Variants in TFDP1 observed in about 807,000 individuals in gnomAD.
TFDP1 encodes DRTF1-polypeptide 1.
In TFDP1, 6 loss-of-function variants were observed where a neutral mutation model predicts 48.0. That is an observed-to-expected ratio of 0.13 (90% CI 0.07 to 0.25). The LOEUF (loss-of-function observed/expected upper bound fraction) is 0.25. Ranked by LOEUF, TFDP1 falls within the 10% of genes least tolerant of loss-of-function variation. TFDP1 has a pLI of 1.00. For missense variants in TFDP1, 335 were observed against 543.0 expected, an observed-to-expected ratio of 0.62 and a Z score of 3.81; for synonymous variants, 201 against 211.6, an observed-to-expected ratio of 0.95 and a Z score of 0.44.
At chr13:113,600,068 A>G (rs1178573519) in intron 2 of TFDP1, among the ~76,000 whole-genome samples, 4 of 150,390 alleles carry the variant, frequency 2.7e-5, no homozygotes, top group Admixed American at 2.6e-4. Context: ...GTGAGAGAGA[A>G]TCCTTGCACG....
In TFDP1 at chr13:113,627,315, G is replaced by A. The variant is rs1245222927; in HGVS notation, c.186+4029G>A. On this transcript the variant is annotated intron_variant, in intron 4 of 11. Coordinates refer to ENST00000375370, the MANE Select transcript of TFDP1 (RefSeq NM_007111.5). This position sits in a 1 kb window ranked among gnomAD's most constrained non-coding sequence, Gnocchi z 4.1. Reference sequence around the variant, plus strand: ...GCTGCAGAGCTCAGCACGCGCACAGGAACGTGTGCGGGACAGAGGACATAT... The same window carrying A: ...GCTGCAGAGCTCAGCACGCGCACAGAAACGTGTGCGGGACAGAGGACATAT... 2.0e-5 allele frequency among the ~76,000 whole-genome samples: 3 copies of A among 152,164 alleles called. No homozygotes were observed. The highest frequency in any genetic ancestry group is 2.0e-4 in the Admixed American group (3 of 15,274).
At chr13:113,629,793 T>G (rs2049286017) in intron 4 of TFDP1, among the ~76,000 whole-genome samples, 1 of 152,200 alleles carries the variant, frequency 6.6e-6, no homozygotes, top group Admixed American at 6.5e-5. Context: ...CCACTCTTTG[T>G]GAGTAGGTTT....
intron 3 of TFDP1, among the ~76,000 whole-genome samples, chr13:113,616,335 T>C (rs1344690811): frequency 6.6e-6 from 1 of 152,124 alleles, no homozygotes; most frequent in Non-Finnish European, 1.5e-5. Flanking sequence ...ACCCTTCCAG[T>C]CACGGTTTCG....
chr13:113,596,452 C>T (rs1042705088), intron 2 of TFDP1, among the ~76,000 whole-genome samples: 6 of 152,162 alleles, frequency 3.9e-5, no homozygotes, highest in African/African-American at 1.4e-4. Context: ...ATCCCGGTAG[C>T]CCGAGTTGAG....
At chr13:113,590,569 G>T (rs2048115023) in intron 2 of TFDP1, among the ~76,000 whole-genome samples, 1 of 152,194 alleles carries the variant, frequency 6.6e-6, no homozygotes, top group African/African-American at 2.4e-5. Context: ...GGTTAAGAAG[G>T]TTGTCAGTTT....
At position 113,588,610 on chromosome 13, in the gene TFDP1, G is replaced by A. The variant is rs560088156; in HGVS notation, c.12+2761G>A. Among the ~76,000 whole-genome samples, 8 of 152,348 alleles carry A rather than the reference G, an allele frequency of 5.3e-5. No individual in the cohort carries two copies. The South Asian group carries it at 1.7e-3, about 32-fold the overall frequency. ...TGGCAAGGAGCTACACACGAGGGAG[G>A]AGAGAGGTACTCTGAAAAGTTTGCA... On this transcript the variant is annotated intron_variant, in intron 2 of 11. Transcript: ENST00000375370.
chr13:113,629,625 C>T (rs559044256), intron 4 of TFDP1, among the ~76,000 whole-genome samples: 5 of 152,288 alleles, frequency 3.3e-5, no homozygotes, highest in Admixed American at 1.3e-4. Flanking sequence ...GGCTAACATG[C>T]GTGATCTGAG....
At position 113,633,282 on chromosome 13, in the gene TFDP1, G is replaced by A; in HGVS notation, c.471G>A (p.Glu157=). Residue 157 remains glutamate, a synonymous_variant, in exon 6 of 12, where the codon GAG becomes GAA. Coordinates refer to ENST00000375370, the MANE Select transcript of TFDP1 (RefSeq NM_007111.5). This position sits in a 1 kb window ranked among gnomAD's most constrained non-coding sequence, Gnocchi z 4.5. ...SAADNHILPN[E]SAYDQKNIRR... The stretch of plus-strand genomic sequence containing the variant: ...CCGACAACCACATCTTACCAAACGA[G>A]TCAGTAAGTGTGTGCCGGGGGCCGA... 1 of 1,612,280 alleles carries A rather than the reference G, an allele frequency of 6.2e-7. No homozygotes were observed. The highest frequency in any genetic ancestry group is 1.7e-5 in the Admixed American group (1 of 59,992).
chr13:113,600,321 G>C (rs1448323648), intron 2 of TFDP1, among the ~76,000 whole-genome samples: 1 of 149,010 alleles, frequency 6.7e-6, no homozygotes, highest in African/African-American at 2.5e-5. Context: ...CTTGCACGTA[G>C]GGCTCCAGGA....
chr13:113,591,863 G>A (rs1297997474), intron 2 of TFDP1, among the ~76,000 whole-genome samples: 2 of 152,188 alleles, frequency 1.3e-5, no homozygotes, highest in African/African-American at 4.8e-5. Flanking sequence ...TCATCCCCCA[G>A]GTGTCTTACT....
intron 1 of TFDP1, chr13:113,585,288 G>T (rs2047971724): frequency 6.6e-6 from 1 of 150,810 alleles, no homozygotes; most frequent in South Asian, 2.0e-4. Flanking sequence ...GAGGCGGCCC[G>T]AGGCCTAGTG....
chr13:113,628,231 T>C (rs2049238596), intron 4 of TFDP1, among the ~76,000 whole-genome samples: 1 of 142,412 alleles, frequency 7.0e-6, no homozygotes, highest in South Asian at 2.1e-4. Flanking sequence ...GTGTAAAGAC[T>C]GTCTGGAGCC....
chr13:113,584,946 G>C (rs2047958883), intron 1 of TFDP1, 58 bp downstream of exon 1: 1 of 146,394 alleles, frequency 6.8e-6, no homozygotes, highest in Admixed American at 6.8e-5. Flanking sequence ...GGTGCGGGCG[G>C]GACCCCCGGC....
chr13:113,594,183 T>C (rs1448052991), intron 2 of TFDP1, among the ~76,000 whole-genome samples: 3 of 146,702 alleles, frequency 2.0e-5, no homozygotes, highest in Admixed American at 1.4e-4. Context: ...AGGTGTGCTG[T>C]GTGCAGGTCC....
rs557049827 is a variant in TFDP1, at chr13:113,607,140, C to T, written c.13-3856C>T. On this transcript the variant is annotated intron_variant, in intron 2 of 11. Coordinates refer to ENST00000375370, the MANE Select transcript of TFDP1 (RefSeq NM_007111.5). The surrounding 1 kb of genome is among the most constrained non-coding windows in gnomAD (Gnocchi z 5.2). ...TGAAGGCTGAAGATGCCGCCAAACA[C>T]CCTGCAGGGAGGCTGGCCCCTGACA... Among the ~76,000 whole-genome samples the T allele has an allele frequency of 2.6e-5, 4 of 152,238 alleles. No individual in the cohort carries two copies. Among genetic ancestry groups the T allele is most frequent in the Non-Finnish European group, 4.4e-5 (3 of 68,040 alleles).
chr13:113,586,917 A>G (rs1047711189), intron 2 of TFDP1, among the ~76,000 whole-genome samples: 1 of 152,194 alleles, frequency 6.6e-6, no homozygotes, highest in African/African-American at 2.4e-5. Flanking sequence ...TGTCCGTACC[A>G]TGCCCTGACC....
At chr13:113,586,058 T>C (rs1385480430) in intron 2 of TFDP1, 1 of 489,984 alleles carries the variant, frequency 2.0e-6, no homozygotes, top group South Asian at 4.1e-5. Context: ...TGGCCTTGGA[T>C]ACCACACTGC....
chr13:113,593,320 A>T (rs9577577), intron 2 of TFDP1, among the ~76,000 whole-genome samples: 20 of 117,140 alleles, frequency 1.7e-4, no homozygotes, highest in South Asian at 1.3e-3. Context: ...TGGTGTGCGC[A>T]GGTCCTCAGC....
chr13:113,594,301 T>G (rs1346834216), intron 2 of TFDP1, among the ~76,000 whole-genome samples: 1 of 150,520 alleles, frequency 6.6e-6, no homozygotes, highest in Non-Finnish European at 1.5e-5. Flanking sequence ...AGGTGTCCTG[T>G]GTGTGGGTCC....
Sources: allele counts gnomAD v4.1 joint callset (sites outside exome capture counted in the v4.1 genomes callset), GRCh38; gene constraint gnomAD v4.1.1; non-coding constraint Gnocchi (gnomAD v3.1); transcripts MANE v1.5; gene names NCBI Gene and HGNC (gene_info 2026-07-23, HGNC 2026-07-21).